NCKAP5: variants seen among roughly 807,000 people sequenced by gnomAD.
The protein encoded by NCKAP5 is NCK associated protein 5, also known as nck-associated protein 5.
In NCKAP5, 92 loss-of-function variants were observed where a neutral mutation model predicts 167.0. The observed-to-expected ratio is 0.55, with a 90% CI of 0.47 to 0.66. The LOEUF is 0.66. NCKAP5 is among the 30% of genes least tolerant of loss of function. The pLI, the probability that NCKAP5 is intolerant of heterozygous loss-of-function variation, is 0.00. For missense variants in NCKAP5, 2,378 were observed against 2,315.0 expected, an observed-to-expected ratio of 1.03 and a Z score of -0.56; for synonymous variants, 891 against 877.4, an observed-to-expected ratio of 1.02 and a Z score of -0.27.
intron 12 of NCKAP5, among the ~76,000 whole-genome samples, chr2:132,796,420 T>C (rs1684610973): frequency 2.6e-5 from 4 of 152,206 alleles, no homozygotes; most frequent in Admixed American, 1.3e-4. Flanking sequence ...CCAAGATTTA[T>C]GATATTTTTG....
intron 7 of NCKAP5, among the ~76,000 whole-genome samples, chr2:132,969,100 C>A (rs1376743175): frequency 6.6e-6 from 1 of 152,066 alleles, no homozygotes; most frequent in Non-Finnish European, 1.5e-5. Flanking sequence ...TGCAGTGGTG[C>A]AATCTCGGCT....
chr2:133,396,860 A>G (rs1172322869), intron 3 of NCKAP5, among the ~76,000 whole-genome samples: 1 of 152,204 alleles, frequency 6.6e-6, no homozygotes, highest in Admixed American at 6.5e-5. Context: ...TGTAAGTATA[A>G]TGGGAAGGAC....
intron 3 of NCKAP5, among the ~76,000 whole-genome samples, chr2:133,327,862 G>A (rs1009704581): frequency 4.6e-5 from 7 of 152,118 alleles, no homozygotes; most frequent in Non-Finnish European, 1.0e-4. Flanking sequence ...CATATCCCAG[G>A]AGACACTGTT....
chr2:133,346,241 T>C (rs1683969279), intron 3 of NCKAP5, among the ~76,000 whole-genome samples: 1 of 152,074 alleles, frequency 6.6e-6, no homozygotes, highest in Non-Finnish European at 1.5e-5. Context: ...TCCAAAGAAG[T>C]GAGCAAAAAC....
chr2:133,374,771 C>G (rs1686032373), intron 3 of NCKAP5, among the ~76,000 whole-genome samples: 1 of 152,136 alleles, frequency 6.6e-6, no homozygotes, highest in Non-Finnish European at 1.5e-5. Context: ...AAGCAAAAAC[C>G]CTACTTTTCT....
At chr2:132,854,843 A>T (rs55772242) in intron 11 of NCKAP5, among the ~76,000 whole-genome samples, 34,196 of 152,086 alleles carry the variant, frequency 0.22, 4,177 homozygotes, top group East Asian at 0.45. Context: ...GGAGTAGAGT[A>T]GCATTTTGAA....
At chr2:132,693,346 A>T (rs1686974978) in intron 19 of NCKAP5, among the ~76,000 whole-genome samples, 2 of 152,178 alleles carry the variant, frequency 1.3e-5, no homozygotes, top group Non-Finnish European at 2.9e-5. Context: ...ATCCAATATA[A>T]CTGGGGTCCT....
chr2:132,672,793 G>T lies in NCKAP5; in HGVS notation c.*496C>A. Reference sequence around the variant, plus strand: ...AAAAAAGTGCAAAATTAAGGATTCTGTATCATAGATGTGTTTACGCTTAAT... The same window carrying T: ...AAAAAAGTGCAAAATTAAGGATTCTTTATCATAGATGTGTTTACGCTTAAT... On this transcript the variant is annotated 3_prime_UTR_variant, in exon 20 of 20. Transcript: ENST00000409261. 5 of 240,286 alleles carry T rather than the reference G, an allele frequency of 2.1e-5. No individual in the cohort carries two copies. Among genetic ancestry groups the T allele is most frequent in the Non-Finnish European group, 3.4e-5 (5 of 148,334 alleles). 14.9% of individuals were successfully genotyped at this position (240,286 alleles called of 1,614,324 possible).
intron 8 of NCKAP5, chr2:132,911,047 A>G (rs536283691): frequency 1.0e-5 from 2 of 194,052 alleles, no homozygotes; most frequent in African/African-American, 2.3e-5. Flanking sequence ...GACACCACCC[A>G]TTCGGTAGAG....
At chr2:132,808,516 C>T (rs1685611156) in intron 11 of NCKAP5, among the ~76,000 whole-genome samples, 1 of 152,014 alleles carries the variant, frequency 6.6e-6, no homozygotes. Flanking sequence ...AGAATTTATC[C>T]ATCTCTTCTA....
chr2:133,226,640 CAG>C (rs1553591188), intron 4 of NCKAP5, among the ~76,000 whole-genome samples: 73 of 150,796 alleles, frequency 4.8e-4, no homozygotes, highest in African/African-American at 1.7e-3. Flanking sequence ...CACACACACA[CAG>C]GAAGAACACC....
At chr2:133,488,226 T>C (rs1361433710) in intron 3 of NCKAP5, among the ~76,000 whole-genome samples, 1 of 152,170 alleles carries the variant, frequency 6.6e-6, no homozygotes, top group African/African-American at 2.4e-5. Flanking sequence ...TGGAGAAGTG[T>C]TTTTTGTTTG....
chr2:132,968,901 AAGAGGGAGCACCAG>A, intron 7 of NCKAP5, among the ~76,000 whole-genome samples: 1 of 152,206 alleles, frequency 6.6e-6, no homozygotes. Flanking sequence ...AACTAAAAAG[AAGAGGGAGCACCAG>A]AGAGAGTAGC....
chr2:133,406,512 C>G (rs1688439706), intron 3 of NCKAP5, among the ~76,000 whole-genome samples: 3 of 141,812 alleles, frequency 2.1e-5, no homozygotes. Context: ...TTGCCCAAGG[C>G]TGGACCTGCC....
At chr2:133,516,449 C>G (rs1210000086) in intron 3 of NCKAP5, among the ~76,000 whole-genome samples, 1 of 152,202 alleles carries the variant, frequency 6.6e-6, no homozygotes, top group African/African-American at 2.4e-5. Context: ...GACATTGATT[C>G]TGACTAAGGA....
chr2:133,542,501 C>T (rs10201788), intron 2 of NCKAP5, among the ~76,000 whole-genome samples: 1 of 152,122 alleles, frequency 6.6e-6, no homozygotes, highest in Non-Finnish European at 1.5e-5. Flanking sequence ...TGTCATCCCA[C>T]GCTATCCAGT....
intron 3 of NCKAP5, among the ~76,000 whole-genome samples, chr2:133,497,945 T>C (rs962623538): frequency 2.0e-5 from 3 of 152,080 alleles, no homozygotes; most frequent in Admixed American, 6.5e-5. Context: ...ATGGTGAAAA[T>C]GAGCAAATGC....
At chr2:133,372,874 G>C (rs1353609102) in intron 3 of NCKAP5, among the ~76,000 whole-genome samples, 1 of 152,032 alleles carries the variant, frequency 6.6e-6, no homozygotes, top group African/African-American at 2.4e-5. Flanking sequence ...CACCTTCTGG[G>C]TTACATCCTT....
At chr2:132,737,607 GT>G (rs1251367809) in intron 16 of NCKAP5, among the ~76,000 whole-genome samples, 1 of 152,250 alleles carries the variant, frequency 6.6e-6, no homozygotes, top group African/African-American at 2.4e-5. Flanking sequence ...TCACTAATGA[GT>G]GTTACCCTGC....
Sources: allele counts gnomAD v4.1 joint callset (sites outside exome capture counted in the v4.1 genomes callset), GRCh38; gene constraint gnomAD v4.1.1; transcripts MANE v1.5; gene names NCBI Gene and HGNC (gene_info 2026-07-23, HGNC 2026-07-21).